FGD5: variants seen among roughly 807,000 people sequenced by gnomAD.
The protein encoded by FGD5 is FYVE, RhoGEF and PH domain-containing protein 5.
FGD5 carries 28 observed loss-of-function variants against 133.4 expected under a neutral mutation model. That is an observed-to-expected ratio of 0.21 (90% CI 0.16 to 0.29). The LOEUF (loss-of-function observed/expected upper bound fraction) is 0.29, where lower values mean the gene tolerates loss of function less well. FGD5 is among the 10% of genes least tolerant of loss of function. FGD5 has a pLI of 1.00. For missense variants in FGD5, 1,858 were observed against 1,895.2 expected, an observed-to-expected ratio of 0.98 and a Z score of 0.36; for synonymous variants, 810 against 776.5, an observed-to-expected ratio of 1.04 and a Z score of -0.72.
At chr3:14,832,407 G>A (rs111490929) in intron 1 of FGD5, among the ~76,000 whole-genome samples, 1 of 152,168 alleles carries the variant, frequency 6.6e-6, no homozygotes, top group Non-Finnish European at 1.5e-5. Flanking sequence ...AAACTAGGGT[G>A]TAAAGAGGTT....
At chr3:14,814,395 CT>C (rs970135384), upstream of FGD5, among the ~76,000 whole-genome samples, 6 of 152,212 alleles carry the variant, frequency 3.9e-5, no homozygotes, top group Non-Finnish European at 7.3e-5. Flanking sequence ...AGTGCTCTCT[CT>C]TTTCTGGGTC....
Position 14,880,553 on chromosome 3 carries a change from G to T in FGD5, c.2659-19G>T. Reference sequence around the variant, plus strand: ...CCACTGATGCCTGTCCCACCTGATTGCTCTCTTTCCTCCCACAGGTGGAAG... The same window carrying T: ...CCACTGATGCCTGTCCCACCTGATTTCTCTCTTTCCTCCCACAGGTGGAAG... On this transcript the variant is annotated intron_variant, in intron 2 of 19. Coordinates refer to ENST00000285046, the MANE Select transcript of FGD5 (RefSeq NM_152536.4). The T allele has an allele frequency of 6.2e-7, 1 of 1,612,572 alleles. No individual in the cohort carries two copies. Among genetic ancestry groups the T allele is most frequent in the Non-Finnish European group, 8.5e-7 (1 of 1,179,034 alleles).
intron 1 of FGD5, among the ~76,000 whole-genome samples, chr3:14,822,960 G>T (rs1230914917): frequency 1.3e-5 from 2 of 152,228 alleles, no homozygotes; most frequent in Non-Finnish European, 2.9e-5. Context: ...TCGCCATCCT[G>T]GCTCCATCTT....
At position 14,887,604 on chromosome 3, in the gene FGD5, A is replaced by T. The variant is rs536633646; in HGVS notation, c.2748+6832A>T. Among the ~76,000 whole-genome samples, 10 of 152,244 alleles carry T rather than the reference A, an allele frequency of 6.6e-5. 1 individual carries two copies. Among genetic ancestry groups the T allele is most frequent in the African/African-American group, 2.4e-4 (10 of 41,544 alleles). ...CCTGAGCACCTGGTCTGGGTGACAT[A>T]TCAGGGAGTGATGGCAGGGAAAGTC... On this transcript the variant is annotated intron_variant, in intron 4 of 19. Coordinates refer to ENST00000285046, the MANE Select transcript of FGD5 (RefSeq NM_152536.4).
In FGD5 at chr3:14,912,397, G is replaced by A. The variant is rs1360982684; in HGVS notation, c.3405+1468G>A. ...GGCTGGTCGGTTCTGCAGTGGGCGA[G>A]ATTTAGCTGCAGGCAAGAGGAGAGT... On this transcript the variant is annotated intron_variant, in intron 11 of 19. Coordinates refer to ENST00000285046, the MANE Select transcript of FGD5 (RefSeq NM_152536.4). 2.6e-5 allele frequency among the ~76,000 whole-genome samples: 4 copies of A among 152,100 alleles called. No individual in the cohort carries two copies. In the South Asian group the frequency reaches 6.2e-4, roughly 24 times the overall value.
chr3:14,816,629 T>TA (rs1267398647), upstream of FGD5, among the ~76,000 whole-genome samples: 3 of 152,218 alleles, frequency 2.0e-5, no homozygotes, highest in Non-Finnish European at 2.9e-5. Context: ...CTCCCTCTGT[T>TA]ACCCTACTCT....
At chr3:14,815,522 T>G (rs731579), upstream of FGD5, among the ~76,000 whole-genome samples, 6,198 of 152,270 alleles carry the variant, frequency 0.041, 408 homozygotes, top group African/African-American at 0.14. Flanking sequence ...GAATCTAGAT[T>G]AGGGCCTGGC....
intron 4 of FGD5, among the ~76,000 whole-genome samples, chr3:14,893,396 G>A (rs1470182395): frequency 2.0e-5 from 3 of 152,114 alleles, no homozygotes; most frequent in Non-Finnish European, 4.4e-5. Context: ...CTGTCAACCA[G>A]GTTGGAGTGC....
chr3:14,914,099 G>A (rs1310605663), intron 11 of FGD5, among the ~76,000 whole-genome samples: 4 of 152,204 alleles, frequency 2.6e-5, no homozygotes, highest in African/African-American at 9.7e-5. Flanking sequence ...CTTCCACTGA[G>A]CAGTGTTGAT....
At position 14,901,003 on chromosome 3, in the gene FGD5, G is replaced by A; in HGVS notation, c.3206G>A (p.Gly1069Asp). The part of the protein sequence containing the change: ...PDSAEYDNTQ[G>D]ALSLISKVTD... Reference sequence around the variant, plus strand: ...ACTCCTGCTCTGTGTCCCTCCCCAGGTGCACTGAGCCTCATCTCCAAAGTC... The same window carrying A: ...ACTCCTGCTCTGTGTCCCTCCCCAGATGCACTGAGCCTCATCTCCAAAGTC... The change falls in exon 9 of 20, where the codon GGT becomes GAT. Residue 1069 changes from glycine (G) to aspartate (D), a missense_variant and splice_region_variant. Physicochemically the swap from Gly to Asp is moderately conservative, Grantham distance 94 (BLOSUM62 -1). Coordinates refer to ENST00000285046, the MANE Select transcript of FGD5 (RefSeq NM_152536.4). 1 of 1,613,982 alleles carries A rather than the reference G, an allele frequency of 6.2e-7. No homozygotes were observed. The highest frequency in any genetic ancestry group is 8.5e-7 in the Non-Finnish European group (1 of 1,179,862).
Position 14,923,041 on chromosome 3 carries a change from T to C in FGD5, c.3808-5T>C. 1 of 1,613,820 alleles carries C rather than the reference T, an allele frequency of 6.2e-7. No individual in the cohort carries two copies. The highest frequency in any genetic ancestry group is 8.5e-7 in the Non-Finnish European group (1 of 1,179,830). ...GGGTGAGAATCTTCCCACCTGGGCCTGCAGATCGTGTGCCGGAACTGTTCG... is the reference window on the plus strand; with the variant it reads ...GGGTGAGAATCTTCCCACCTGGGCCCGCAGATCGTGTGCCGGAACTGTTCG... On this transcript the variant is annotated splice_region_variant and splice_polypyrimidine_tract_variant and intron_variant, in intron 15 of 19. Coordinates refer to ENST00000285046, the MANE Select transcript of FGD5 (RefSeq NM_152536.4).
chr3:14,897,588 G>T lies in FGD5; in HGVS notation c.2828G>T (p.Arg943Met). 1.9e-6 allele frequency: 3 copies of T among 1,604,958 alleles called. No individual in the cohort carries two copies. ...GACACATTGGCCCGGGAGGAGCTGA[G>T]GCAGGGCCTGAGTGAACTCCCAGCC... is the stretch of plus-strand genomic sequence containing the variant. ...GRDTLAREEL[R>M]QGLSELPAIH... is the part of the protein sequence containing the mutation. Residue 943 changes from arginine (R) to methionine (M), a missense_variant, in exon 5 of 20, where the codon AGG (arginine) becomes ATG (methionine). By Grantham distance (91) the Arg-to-Met change is moderately conservative. Around this residue, in one of 3 missense-constraint regions of FGD5, gnomAD observed 1,824 missense variants for 1,848.9 expected, o/e 0.99. Coordinates refer to ENST00000285046, the MANE Select transcript of FGD5 (RefSeq NM_152536.4).
At chr3:14,863,039 G>A (rs888629931) in intron 1 of FGD5, among the ~76,000 whole-genome samples, 20 of 152,180 alleles carry the variant, frequency 1.3e-4, no homozygotes, top group Admixed American at 2.0e-4. Context: ...TCCCCCACCC[G>A]CCTCACTTCC....
intron 17 of FGD5, among the ~76,000 whole-genome samples, 153 bp downstream of exon 17, chr3:14,924,291 C>T (rs991002285): frequency 6.6e-6 from 1 of 152,126 alleles, no homozygotes; most frequent in Non-Finnish European, 1.5e-5. Flanking sequence ...CTACGAGGAC[C>T]GACTTGACAG....
intron 1 of FGD5, among the ~76,000 whole-genome samples, chr3:14,822,165 C>T (rs1559468910): frequency 6.6e-6 from 1 of 151,664 alleles, no homozygotes; most frequent in African/African-American, 2.4e-5. Context: ...TGTGTGAAAG[C>T]AGTGTATAAG....
chr3:14,924,506 G>A (rs557721001), intron 17 of FGD5, among the ~76,000 whole-genome samples: 3 of 152,200 alleles, frequency 2.0e-5, no homozygotes, highest in Non-Finnish European at 2.9e-5. Context: ...GTCCCAACCC[G>A]GCTCAGGTGT....
intron 2 of FGD5, among the ~76,000 whole-genome samples, chr3:14,871,635 G>A (rs1024220482): frequency 3.9e-5 from 6 of 152,166 alleles, no homozygotes; most frequent in Non-Finnish European, 5.9e-5. Context: ...GAGAAGAGGG[G>A]CTCCAAGGTT....
intron 1 of FGD5, among the ~76,000 whole-genome samples, chr3:14,822,466 C>T (rs2036522949): frequency 6.7e-6 from 1 of 149,982 alleles, no homozygotes; most frequent in Non-Finnish European, 1.5e-5. Context: ...GAATGGAAGT[C>T]TTTAAGAGCT....
chr3:14,819,232 C>T lies in FGD5; in HGVS notation c.161C>T (p.Pro54Leu), dbSNP rs1267839827. ...RGLDEGPRSI[P>L]KCSESETDED... ...CTTGATGAGGGGCCCCGGTCCATCC[C>T]AAAGTGCTCTGAGTCGGAGACCGAC... Residue 54 changes from proline to leucine, a missense_variant, in exon 1 of 20, where the codon CCA becomes CTA. Pro to Leu is a moderately conservative substitution (Grantham distance 98). Transcript: ENST00000285046. This position sits in a 1 kb window ranked among gnomAD's most constrained non-coding sequence, Gnocchi z 4.1. 6 of 1,546,020 alleles carry T rather than the reference C, an allele frequency of 3.9e-6. No individual in the cohort carries two copies. Among genetic ancestry groups the T allele is most frequent in the Non-Finnish European group, 2.6e-6 (3 of 1,144,714 alleles).
Sources: gnomAD v4.1 joint callset for allele counts (sites outside exome capture counted in the v4.1 genomes callset) on GRCh38, gnomAD v4.1.1 for gene constraint, gnomAD v4.1.1 regional missense constraint, Gnocchi (gnomAD v3.1) non-coding constraint, MANE v1.5 for transcripts, NCBI Gene and HGNC (gene_info 2026-07-23, HGNC 2026-07-21) for gene names.